CNTN6: variants seen among roughly 807,000 people sequenced by gnomAD.
The protein encoded by CNTN6 is contactin 6.
Under a neutral mutation model 122.8 loss-of-function variants are expected in CNTN6, and 137 were observed. The ratio of observed to expected loss-of-function variants is 1.12; its 90% CI spans 0.97 to 1.29. The LOEUF (loss-of-function observed/expected upper bound fraction) is 1.29, where lower values mean the gene tolerates loss of function less well. CNTN6 is among the 50% of genes most tolerant of loss of function. CNTN6 has a pLI of 0.00. For synonymous variants in CNTN6, 570 were observed against 426.0 expected (o/e 1.34, Z -4.16); for missense variants, 1,634 against 1,223.4 (o/e 1.34, Z -5.01).
At chr3:1,185,503 A>G (rs977480768) in intron 2 of CNTN6, among the ~76,000 whole-genome samples, 2 of 152,174 alleles carry the variant, frequency 1.3e-5, no homozygotes, top group Admixed American at 1.3e-4. Flanking sequence ...CCTTGGAAGT[A>G]TGAAACACTT....
rs768433383 is a variant in CNTN6, at chr3:1,327,535, G to T, written c.1162G>T (p.Ala388Ser). ...VSDSGVYQCA[A>S]ENKYQIIYAN... ...AGATTCTGGTGTGTACCAATGTGCT[G>T]CAGAAAACAAATATCAGATAATTTA... is the stretch of plus-strand genomic sequence containing the variant. The change falls in exon 10 of 23, where the codon GCA becomes TCA. Residue 388 changes from alanine to serine, a missense_variant. Ala to Ser is a moderately conservative substitution (Grantham distance 99, BLOSUM62 1). Coordinates refer to ENST00000446702, the MANE Select transcript of CNTN6 (RefSeq NM_001289080.2). 1 of 1,610,808 alleles carries T rather than the reference G, an allele frequency of 6.2e-7. No homozygotes were observed. Among genetic ancestry groups the T allele is most frequent in the Non-Finnish European group, 8.5e-7 (1 of 1,178,060 alleles).
intron 4 of CNTN6, among the ~76,000 whole-genome samples, chr3:1,272,755 C>G (rs1241566889): frequency 6.6e-6 from 1 of 152,152 alleles, no homozygotes; most frequent in Non-Finnish European, 1.5e-5. Flanking sequence ...CTGGCACTGT[C>G]AAGTGCATCG....
chr3:1,141,422 ATAAAC>A (rs1466784199), intron 1 of CNTN6, among the ~76,000 whole-genome samples: 1 of 152,212 alleles, frequency 6.6e-6, no homozygotes, highest in Non-Finnish European at 1.5e-5. Context: ...TGATGTCCTG[ATAAAC>A]TAAATCCACA....
At chr3:1,139,643 A>T (rs2092564032) in intron 1 of CNTN6, among the ~76,000 whole-genome samples, 1 of 152,204 alleles carries the variant, frequency 6.6e-6, no homozygotes, top group African/African-American at 2.4e-5. Context: ...TGAACAATTC[A>T]TCAATCAGGC....
At chr3:1,218,282 G>A (rs1426436106) in intron 2 of CNTN6, among the ~76,000 whole-genome samples, 1 of 152,116 alleles carries the variant, frequency 6.6e-6, no homozygotes, top group African/African-American at 2.4e-5. Flanking sequence ...GGAGTCTGGT[G>A]TTGGAGCCAA....
At chr3:1,306,372 C>T (rs1381564997) in intron 7 of CNTN6, among the ~76,000 whole-genome samples, 1 of 152,092 alleles carries the variant, frequency 6.6e-6, no homozygotes, top group Non-Finnish European at 1.5e-5. Context: ...CCTCTGTTGA[C>T]CATGCTCACA....
At chr3:1,385,926 C>A (rs1692835158) in intron 20 of CNTN6, 129 bp downstream of exon 20, 5 of 821,772 alleles carry the variant, frequency 6.1e-6, no homozygotes, top group Non-Finnish European at 9.3e-6. Context: ...TTGGTTTGTC[C>A]CTTAAATATG....
intron 4 of CNTN6, among the ~76,000 whole-genome samples, chr3:1,231,320 A>G (rs1395328349): frequency 1.3e-5 from 2 of 152,210 alleles, no homozygotes; most frequent in Non-Finnish European, 2.9e-5. Flanking sequence ...AAAATGGATC[A>G]ACTCCCTTGC....
intron 2 of CNTN6, among the ~76,000 whole-genome samples, chr3:1,152,138 G>C (rs1046308383): frequency 5.9e-5 from 9 of 151,928 alleles, no homozygotes; most frequent in Non-Finnish European, 1.2e-4. Flanking sequence ...TTGTTTGTTT[G>C]TTTGTTTGTT....
At chr3:1,314,904 A>G (rs1210640259) in intron 7 of CNTN6, among the ~76,000 whole-genome samples, 1 of 152,080 alleles carries the variant, frequency 6.6e-6, no homozygotes, top group Non-Finnish European at 1.5e-5. Context: ...TTGAAATACA[A>G]GGTTCAAGAA....
intron 20 of CNTN6, among the ~76,000 whole-genome samples, chr3:1,390,838 C>T (rs1694032389): frequency 1.3e-5 from 2 of 150,918 alleles, no homozygotes; most frequent in South Asian, 4.2e-4. Context: ...CACATACACT[C>T]TCCCAAGACT....
Position 1,329,274 on chromosome 3 carries a change from A to G in CNTN6, c.1214-511A>G, listed in dbSNP as rs78913362. ...ATATGTGTGTGTGTGTTTCTGATTTATCATATGTATGTATATGACATGTAT... is the reference window on the plus strand; with the variant it reads ...ATATGTGTGTGTGTGTTTCTGATTTGTCATATGTATGTATATGACATGTAT... On this transcript the variant is annotated intron_variant, in intron 10 of 22. Coordinates refer to ENST00000446702, the MANE Select transcript of CNTN6 (RefSeq NM_001289080.2). 2.7e-3 allele frequency among the ~76,000 whole-genome samples: 411 copies of G among 151,586 alleles called. 3 individuals are homozygous for G. Among genetic ancestry groups the G allele is most frequent in the African/African-American group, 9.4e-3 (388 of 41,448 alleles).
At chr3:1,286,808 A>G (rs952673885) in intron 5 of CNTN6, among the ~76,000 whole-genome samples, 22 of 152,136 alleles carry the variant, frequency 1.4e-4, no homozygotes, top group African/African-American at 4.6e-4. Context: ...CTCACATGCA[A>G]AGACACATAG....
In CNTN6 at chr3:1,175,722, G is replaced by A. The variant is rs551992269; in HGVS notation, c.55+27659G>A. 4.6e-5 allele frequency among the ~76,000 whole-genome samples: 7 copies of A among 152,342 alleles called. No individual in the cohort carries two copies. In the East Asian group the frequency reaches 9.6e-4, roughly 21 times the overall value. ...GGCTACTCTTTGGTGAATATATTGT[G>A]AGAGTGGAAAGAATGAGAATTAAAA... On this transcript the variant is annotated intron_variant, in intron 2 of 22. Transcript: ENST00000446702.
At chr3:1,381,890 GC>G (rs1559977393) in intron 17 of CNTN6, among the ~76,000 whole-genome samples, 2 of 152,082 alleles carry the variant, frequency 1.3e-5, no homozygotes, top group African/African-American at 4.8e-5. Context: ...CAGAGATTCT[GC>G]CCTCATAGAT....
chr3:1,208,963 T>C (rs925396983), intron 2 of CNTN6, among the ~76,000 whole-genome samples: 2 of 152,160 alleles, frequency 1.3e-5, no homozygotes, highest in African/African-American at 4.8e-5. Context: ...AGTTTACTTA[T>C]GTTGGATTTA....
chr3:1,271,046 T>C (rs1247590421), intron 4 of CNTN6, among the ~76,000 whole-genome samples: 1 of 152,092 alleles, frequency 6.6e-6, no homozygotes, highest in Admixed American at 6.6e-5. Flanking sequence ...TTAGACTATT[T>C]TTTATATTTT....
intron 1 of CNTN6, among the ~76,000 whole-genome samples, chr3:1,103,416 C>G (rs1293430526): frequency 6.6e-6 from 1 of 152,096 alleles, no homozygotes; most frequent in Non-Finnish European, 1.5e-5. Flanking sequence ...TTTGTTGTCC[C>G]TTTGTGCAGA....
intron 7 of CNTN6, among the ~76,000 whole-genome samples, chr3:1,299,658 G>A (rs996281251): frequency 6.6e-6 from 1 of 152,144 alleles, no homozygotes; most frequent in African/African-American, 2.4e-5. Context: ...TCTATTCAGA[G>A]GAAGCAAGCA....
Sources: gnomAD v4.1 joint callset for allele counts (sites outside exome capture counted in the v4.1 genomes callset) on GRCh38, gnomAD v4.1.1 for gene constraint, MANE v1.5 for transcripts, NCBI Gene and HGNC (gene_info 2026-07-23, HGNC 2026-07-21) for gene names.